GLCCI1: variants seen among roughly 807,000 people sequenced by gnomAD.
The protein encoded by GLCCI1 is glucocorticoid-induced transcript 1 protein.
Under a neutral mutation model 52.2 loss-of-function variants are expected in GLCCI1, and 24 were observed. The observed-to-expected ratio is 0.46, with a 90% CI of 0.33 to 0.65. GLCCI1 has a LOEUF of 0.65. Ranked by LOEUF, GLCCI1 falls within the 30% of genes least tolerant of loss-of-function variation. The probability of loss-of-function intolerance (pLI) is 0.02; values close to 1 mark genes in which losing one functional copy is unlikely to be tolerated. For missense variants in GLCCI1, 704 were observed against 701.5 expected (o/e 1.00, Z -0.04); for synonymous variants, 310 against 276.5 (o/e 1.12, Z -1.20).
chr7:8,033,965 GA>G (rs1781812236), intron 3 of GLCCI1, among the ~76,000 whole-genome samples: 1 of 151,998 alleles, frequency 6.6e-6, no homozygotes, highest in African/African-American at 2.4e-5. Context: ...TCTTGAAAAC[GA>G]AAAATTTGGT....
chr7:7,971,002 A>G (rs1780342869), intron 1 of GLCCI1, among the ~76,000 whole-genome samples: 1 of 152,020 alleles, frequency 6.6e-6, no homozygotes, highest in Middle Eastern at 3.2e-3. Flanking sequence ...CTGCATTATG[A>G]TACATTGCAG....
At chr7:8,006,554 T>C (rs1468980072) in intron 2 of GLCCI1, among the ~76,000 whole-genome samples, 1 of 152,230 alleles carries the variant, frequency 6.6e-6, no homozygotes, top group Non-Finnish European at 1.5e-5. Context: ...TAGTAGTATA[T>C]GTAGACATGC....
intron 5 of GLCCI1, among the ~76,000 whole-genome samples, chr7:8,064,210 A>G (rs868224328): frequency 9.1e-4 from 138 of 152,162 alleles, no homozygotes; most frequent in African/African-American, 3.2e-3. Flanking sequence ...TTCCTGGGTT[A>G]TCTTCTGGTG....
At chr7:8,037,074 A>G (rs549549650) in intron 3 of GLCCI1, among the ~76,000 whole-genome samples, 73 of 144,286 alleles carry the variant, frequency 5.1e-4, no homozygotes, top group Non-Finnish European at 5.1e-4. Flanking sequence ...ATATTGCAAG[A>G]TGACTCGACC....
chr7:7,983,727 A>C (rs1270118616), intron 1 of GLCCI1, among the ~76,000 whole-genome samples: 1 of 152,236 alleles, frequency 6.6e-6, no homozygotes, highest in African/African-American at 2.4e-5. Flanking sequence ...AGTCCTGTGA[A>C]TATCTGACAA....
At chr7:8,019,157 G>GTA (rs1781432816) in intron 2 of GLCCI1, among the ~76,000 whole-genome samples, 1 of 152,154 alleles carries the variant, frequency 6.6e-6, no homozygotes, top group African/African-American at 2.4e-5. Flanking sequence ...AGTGATCAGT[G>GTA]TATAGAACAC....
intron 6 of GLCCI1, chr7:8,084,668 G>T: frequency 2.4e-6 from 1 of 415,770 alleles, no homozygotes; most frequent in Non-Finnish European, 4.3e-6. Flanking sequence ...CAGTTTTCTG[G>T]ACCAAAATGT....
At chr7:8,059,704 TA>T (rs1782473272) in intron 4 of GLCCI1, among the ~76,000 whole-genome samples, 1 of 152,198 alleles carries the variant, frequency 6.6e-6, no homozygotes. Flanking sequence ...AAACATCTTG[TA>T]AACATACTCA....
intron 1 of GLCCI1, chr7:7,980,655 G>A (rs1780594739): frequency 3.6e-6 from 3 of 831,220 alleles, no homozygotes; most frequent in Non-Finnish European, 4.0e-6. Flanking sequence ...CAAGAATTAA[G>A]CACAAGAAGA....
At chr7:8,078,357 A>C (rs1285388587) in intron 6 of GLCCI1, among the ~76,000 whole-genome samples, 1 of 152,168 alleles carries the variant, frequency 6.6e-6, no homozygotes, top group East Asian at 1.9e-4. Flanking sequence ...TTGACACAGA[A>C]GTAGAGGCAG....
At chr7:7,976,215 A>T (rs1463971842) in intron 1 of GLCCI1, among the ~76,000 whole-genome samples, 1 of 152,168 alleles carries the variant, frequency 6.6e-6, no homozygotes, top group Non-Finnish European at 1.5e-5. Flanking sequence ...GCAGTGGCTC[A>T]TGCCTGTAAT....
chr7:7,978,945 A>G (rs1395202659), intron 1 of GLCCI1, among the ~76,000 whole-genome samples: 1 of 152,198 alleles, frequency 6.6e-6, no homozygotes, highest in African/African-American at 2.4e-5. Flanking sequence ...TGTATTTATA[A>G]TATCTTTCGA....
At chr7:7,998,293 T>G (rs562402703) in intron 1 of GLCCI1, among the ~76,000 whole-genome samples, 4 of 152,030 alleles carry the variant, frequency 2.6e-5, no homozygotes, top group East Asian at 3.9e-4. Context: ...CTTGGCTCAC[T>G]GAAACCTCCG....
chr7:8,003,305 CAAGA>C (rs1269316191), intron 1 of GLCCI1, among the ~76,000 whole-genome samples: 1 of 152,036 alleles, frequency 6.6e-6, no homozygotes, highest in East Asian at 1.9e-4. Flanking sequence ...GTCAAGTAAA[CAAGA>C]AAGAGAGTTC....
intron 1 of GLCCI1, among the ~76,000 whole-genome samples, chr7:7,984,809 C>CT (rs1270839220): frequency 1.3e-5 from 2 of 152,180 alleles, no homozygotes; most frequent in South Asian, 2.1e-4. Flanking sequence ...CCCTTTCTGT[C>CT]TGAGTTTTAC....
At chr7:8,001,410 A>G (rs962346225) in intron 1 of GLCCI1, among the ~76,000 whole-genome samples, 2 of 152,228 alleles carry the variant, frequency 1.3e-5, no homozygotes, top group African/African-American at 2.4e-5. Flanking sequence ...ATGAGATACT[A>G]TCTCACACCA....
intron 6 of GLCCI1, among the ~76,000 whole-genome samples, chr7:8,075,238 C>T (rs954203453): frequency 7.9e-5 from 12 of 152,144 alleles, no homozygotes; most frequent in Non-Finnish European, 1.3e-4. Context: ...TATTGAGAGA[C>T]TTGTTTCAAG....
At chr7:8,029,997 G>A (rs1247064073) in intron 3 of GLCCI1, among the ~76,000 whole-genome samples, 1 of 152,062 alleles carries the variant, frequency 6.6e-6, no homozygotes, top group Non-Finnish European at 1.5e-5. Context: ...TAGATTCAAT[G>A]CAATTCCTAT....
At position 8,063,615 on chromosome 7, in the gene GLCCI1, C is replaced by CTTTTTTTT. The variant is rs917291629; in HGVS notation, c.966+3381_966+3388dup. 1.8e-5 allele frequency among the ~76,000 whole-genome samples: 2 copies of CTTTTTTTT among 113,668 alleles called. 1 individual carries two copies. The allele number at this position is 113,668 out of a possible 152,430, so 74.6% of individuals were successfully genotyped here. A position where few individuals can be genotyped will look rare whatever the true frequency, so the allele number is the denominator to read the frequency against. On this transcript the variant is annotated intron_variant, in intron 5 of 7. Transcript: ENST00000223145. ...TGTGATTTGCCTACCACTTTTCTTC[C>CTTTTTTTT]TTTTTTTTTTTTTTTTTTTTTGAGA...
Sources: allele counts gnomAD v4.1 joint callset (sites outside exome capture counted in the v4.1 genomes callset), GRCh38; gene constraint gnomAD v4.1.1; transcripts MANE v1.5; gene names NCBI Gene and HGNC (gene_info 2026-07-23, HGNC 2026-07-21).